Variants in FBXL4 observed in about 807,000 individuals in gnomAD.
The protein encoded by FBXL4 is F-box/LRR-repeat protein 4.
In FBXL4, 40 loss-of-function variants were observed where a neutral mutation model predicts 58.9. The ratio of observed to expected loss-of-function variants is 0.68; its 90% CI spans 0.53 to 0.88. The LOEUF is 0.88. Among genes scored for constraint, FBXL4 ranks in the 40% least tolerant of loss-of-function variants. The pLI is 0.00. For synonymous variants in FBXL4, 263 were observed against 265.5 expected (o/e 0.99, Z 0.09); for missense variants, 676 against 734.4 (o/e 0.92, Z 0.92).
At chr6:98,879,053 C>T (rs1356837464) in intron 8 of FBXL4, among the ~76,000 whole-genome samples, 2 of 152,074 alleles carry the variant, frequency 1.3e-5, no homozygotes, top group African/African-American at 2.4e-5. Context: ...CATGGGGACA[C>T]AGAGATAAAT....
In FBXL4 at chr6:98,878,892, C is replaced by A. The variant is rs188805792; in HGVS notation, c.1389+1661G>T. Among the ~76,000 whole-genome samples, 12 of 152,198 alleles carry A rather than the reference C, an allele frequency of 7.9e-5. No homozygotes were observed. In the East Asian group the frequency reaches 2.1e-3, roughly 27 times the overall value. On this transcript the variant is annotated intron_variant, in intron 8 of 9. Transcript: ENST00000369244. Reference sequence around the variant, plus strand: ...CCATCAAGAAGAGTCACTGAAGAGACCCACAGAAGCCTATCAAATGGCTTA... The same window carrying A: ...CCATCAAGAAGAGTCACTGAAGAGAACCACAGAAGCCTATCAAATGGCTTA...
intron 4 of FBXL4, among the ~76,000 whole-genome samples, chr6:98,918,288 C>A (rs1772447383): frequency 6.6e-6 from 1 of 152,086 alleles, no homozygotes; most frequent in Admixed American, 6.6e-5. Flanking sequence ...TTTAAGTTAT[C>A]CTTATATCCT....
intron 7 of FBXL4, among the ~76,000 whole-genome samples, chr6:98,889,185 A>G (rs1771137145): frequency 6.6e-6 from 1 of 152,242 alleles, no homozygotes; most frequent in South Asian, 2.1e-4. Context: ...AAACAACTGT[A>G]AAGCATGCTT....
intron 2 of FBXL4, among the ~76,000 whole-genome samples, chr6:98,933,962 T>C (rs985211389): frequency 5.3e-5 from 8 of 152,198 alleles, no homozygotes; most frequent in Non-Finnish European, 8.8e-5. Flanking sequence ...AAGAATCAAA[T>C]GTATGAACTT....
At chr6:98,912,725 C>T (rs1772144192) in intron 5 of FBXL4, among the ~76,000 whole-genome samples, 1 of 151,726 alleles carries the variant, frequency 6.6e-6, no homozygotes. Flanking sequence ...CAAAATCACG[C>T]CAAAATGTAA....
At chr6:98,941,418 A>AT (rs1197693657) in intron 1 of FBXL4, among the ~76,000 whole-genome samples, 1 of 151,818 alleles carries the variant, frequency 6.6e-6, no homozygotes, top group African/African-American at 2.4e-5. Flanking sequence ...AGAAAGAGAA[A>AT]TTGACTAAAG....
At chr6:98,938,290 TACCATGTATAGTAA>T (rs906168854) in intron 1 of FBXL4, among the ~76,000 whole-genome samples, 1 of 152,104 alleles carries the variant, frequency 6.6e-6, no homozygotes, top group African/African-American at 2.4e-5. Context: ...TTCCATAGAG[TACCATGTATAGTAA>T]GCCTTAAAGT....
At position 98,871,793 on chromosome 6, in the gene FBXL4, A is replaced by T. The variant is rs1770496492; in HGVS notation, c.*2485T>A. On this transcript the variant is annotated 3_prime_UTR_variant, in exon 10 of 10. Transcript: ENST00000369244. Reference sequence around the variant, plus strand: ...TATCTTTTGTCAGATACAGAAGATGAATATGCTGATTTGCCCAACCACATT... The same window carrying T: ...TATCTTTTGTCAGATACAGAAGATGTATATGCTGATTTGCCCAACCACATT... 1 of 152,202 alleles carries T rather than the reference A, an allele frequency of 6.6e-6. No individual in the cohort carries two copies. The highest frequency in any genetic ancestry group is 1.5e-5 in the Non-Finnish European group (1 of 68,032). The allele number at this position is 152,202 out of a possible 1,614,324, so 9.4% of individuals were successfully genotyped here.
chr6:98,889,952 T>A (rs1477114356), intron 7 of FBXL4, among the ~76,000 whole-genome samples: 1 of 152,180 alleles, frequency 6.6e-6, no homozygotes, highest in Non-Finnish European at 1.5e-5. Flanking sequence ...GCAAAACTAC[T>A]TAATAAAAAT....
chr6:98,889,872 T>C (rs1031023373), intron 7 of FBXL4, among the ~76,000 whole-genome samples: 7 of 152,132 alleles, frequency 4.6e-5, no homozygotes, highest in African/African-American at 1.7e-4. Context: ...AAATTTTCAT[T>C]GACAGCTTTT....
Position 98,869,044 on chromosome 6 carries a change from A to G in FBXL4, c.*5234T>C, listed in dbSNP as rs1002953341. ...AATGACTCTTAACAGAATGTGAGCT[A>G]TTGCCAAAAAAATGATTCTAACAGT... On this transcript the variant is annotated 3_prime_UTR_variant, in exon 10 of 10. Transcript: ENST00000369244. 1 of 152,204 alleles carries G rather than the reference A, an allele frequency of 6.6e-6. No homozygotes were observed. Among genetic ancestry groups the G allele is most frequent in the Non-Finnish European group, 1.5e-5 (1 of 68,040 alleles). The allele number at this position is 152,204 out of a possible 1,614,324, so 9.4% of individuals were successfully genotyped here.
At position 98,874,155 on chromosome 6, in the gene FBXL4, T is replaced by G; in HGVS notation, c.*123A>C. On this transcript the variant is annotated 3_prime_UTR_variant, in exon 10 of 10. Coordinates refer to ENST00000369244, the MANE Select transcript of FBXL4 (RefSeq NM_001278716.2). ...TGATTTAATGGACAATTTCATATTT[T>G]TCTTTAAAATCTACAAATGTCTTAA... 3 of 693,520 alleles carry G rather than the reference T, an allele frequency of 4.3e-6. No homozygotes were observed. The allele number at this position is 693,520 out of a possible 1,614,324, so 43.0% of individuals were successfully genotyped here.
intron 6 of FBXL4, among the ~76,000 whole-genome samples, chr6:98,902,971 T>A (rs1286678376): frequency 6.6e-6 from 1 of 152,140 alleles, no homozygotes; most frequent in Non-Finnish European, 1.5e-5. Context: ...CTATTCTGAA[T>A]AATAACAATT....
intron 7 of FBXL4, among the ~76,000 whole-genome samples, chr6:98,893,525 T>C (rs1771303391): frequency 6.6e-6 from 1 of 152,192 alleles, no homozygotes; most frequent in South Asian, 2.1e-4. Context: ...AATTACCTCT[T>C]TAAAAACCCT....
At chr6:98,880,774 T>G in intron 7 of FBXL4, 150 bp from the exon 8 acceptor site, 2 of 654,966 alleles carry the variant, frequency 3.1e-6, no homozygotes, top group South Asian at 3.6e-5. Context: ...TGCCATTTAA[T>G]GAGTCCCCAG....
intron 4 of FBXL4, among the ~76,000 whole-genome samples, chr6:98,922,164 T>C (rs1772608177): frequency 6.6e-6 from 1 of 152,100 alleles, no homozygotes; most frequent in Non-Finnish European, 1.5e-5. Flanking sequence ...TTGACCTTGT[T>C]ATCCGCCCCC....
rs953570187 is a variant in FBXL4, at chr6:98,872,921, T to G, written c.*1357A>C. 1 of 152,172 alleles carries G rather than the reference T, an allele frequency of 6.6e-6. No individual in the cohort carries two copies. The highest frequency in any genetic ancestry group is 1.5e-5 in the Non-Finnish European group (1 of 68,038). 9.4% of individuals were successfully genotyped at this position (152,172 alleles called of 1,614,324 possible). On this transcript the variant is annotated 3_prime_UTR_variant, in exon 10 of 10. Coordinates refer to ENST00000369244, the MANE Select transcript of FBXL4 (RefSeq NM_001278716.2). ...TTATCTTACAGGGTTGTTGTGAGAA[T>G]TGAATTAGTCAATGCAAAGCACAAG...
chr6:98,914,501 A>G (rs1446910732), intron 5 of FBXL4, among the ~76,000 whole-genome samples: 1 of 152,234 alleles, frequency 6.6e-6, no homozygotes, highest in African/African-American at 2.4e-5. Context: ...CTGGGATGCA[A>G]GGCTGGTTCA....
At chr6:98,934,482 G>A (rs1343960197) in intron 2 of FBXL4, among the ~76,000 whole-genome samples, 1 of 151,878 alleles carries the variant, frequency 6.6e-6, no homozygotes, top group Non-Finnish European at 1.5e-5. Context: ...TATTGTTCTC[G>A]TATTAGATGT....
Sources: gnomAD v4.1 joint callset for allele counts (sites outside exome capture counted in the v4.1 genomes callset) on GRCh38, gnomAD v4.1.1 for gene constraint, MANE v1.5 for transcripts, NCBI Gene and HGNC (gene_info 2026-07-23, HGNC 2026-07-21) for gene names.